CORO7: variants seen among roughly 807,000 people sequenced by gnomAD.
CORO7 encodes the protein coronin-7.
In CORO7, 107 loss-of-function variants were observed where a neutral mutation model predicts 126.6. The observed-to-expected ratio is 0.85, with a 90% CI of 0.72 to 0.99. The LOEUF (loss-of-function observed/expected upper bound fraction) is 0.99. Ranked by LOEUF, CORO7 falls within the 50% of genes least tolerant of loss-of-function variation. The pLI is 0.00. For synonymous variants in CORO7, 603 were observed against 536.8 expected, an observed-to-expected ratio of 1.12 and a Z score of -1.70; for missense variants, 1,314 against 1,255.8, an observed-to-expected ratio of 1.05 and a Z score of -0.70.
At chr16:4,388,412 A>C (rs1412842585) in intron 8 of CORO7, 133 bp downstream of exon 8, 6 of 1,008,054 alleles carry the variant, frequency 6.0e-6, no homozygotes, top group Non-Finnish European at 8.7e-6. Context: ...ACCCGGCAGC[A>C]CAGCCAGGCC....
rs776568152 is a variant in CORO7, at chr16:4,405,527, C to T, written c.528G>A (p.Trp176Ter). 6.2e-7 allele frequency: 1 copy of T among 1,613,000 alleles called. No individual in the cohort carries two copies. The highest frequency in any genetic ancestry group is 8.5e-7 in the Non-Finnish European group (1 of 1,179,916). The change falls in exon 6 of 28, where the codon TGG (tryptophan) becomes TGA (stop). Residue 176 changes from tryptophan (W) to a stop codon, truncating the protein, a stop_gained. Transcript: ENST00000251166. LOFTEE classifies it high-confidence loss of function. ...AHGDLVQSAV[W>*]SRDGALVGTA... is the part of the protein sequence containing the mutation. ...TGCCCACCAGGGCTCCATCTCGGCT[C>T]CAGACGGCGCTCTGCACCAGGTCCC... is the stretch of plus-strand genomic sequence containing the variant.
At position 4,415,663 on chromosome 16, in the gene CORO7, A is replaced by G. The variant is rs1484293036; in HGVS notation, c.60+796T>C. ...CTTGCTCTGGGACCCTGATGGGGTC[A>G]CTTGAGGTCAACTCCTAGGCCCAGT... is the stretch of plus-strand genomic sequence containing the variant. On this transcript the variant is annotated intron_variant, in intron 1 of 27. Transcript: ENST00000251166. 5 of 973,440 alleles carry G rather than the reference A, an allele frequency of 5.1e-6. No individual in the cohort carries two copies. The African/African-American group carries it at 8.8e-5, about 17-fold the overall frequency. 60.3% of individuals were successfully genotyped at this position (973,440 alleles called of 1,614,324 possible).
intron 5 of CORO7, among the ~76,000 whole-genome samples, chr16:4,406,803 C>A (rs1219752075): frequency 6.6e-6 from 1 of 151,892 alleles, no homozygotes; most frequent in Non-Finnish European, 1.5e-5. Context: ...CCACACCCAG[C>A]TAAGTTTTTG....
intron 6 of CORO7, among the ~76,000 whole-genome samples, chr16:4,400,111 C>T (rs536014403): frequency 5.3e-5 from 8 of 152,062 alleles, no homozygotes; most frequent in Admixed American, 4.6e-4. Context: ...GAAACTACTC[C>T]GTATAGTGGT....
chr16:4,369,022 G>A (rs951815930), intron 9 of CORO7, among the ~76,000 whole-genome samples: 12 of 152,224 alleles, frequency 7.9e-5, no homozygotes, highest in Non-Finnish European at 7.3e-5. Flanking sequence ...TCACCTGTGC[G>A]CTGAGCCAAC....
At chr16:4,379,880 T>TAAAAA (rs34020450) in intron 9 of CORO7, among the ~76,000 whole-genome samples, 2 of 109,182 alleles carry the variant, frequency 1.8e-5, no homozygotes, top group African/African-American at 3.7e-5. Context: ...CTGTCTCTAC[T>TAAAAA]AAAAAAAAAA....
intron 6 of CORO7, among the ~76,000 whole-genome samples, chr16:4,399,102 G>A (rs769995835): frequency 6.6e-6 from 1 of 152,002 alleles, no homozygotes; most frequent in African/African-American, 2.4e-5. Flanking sequence ...ATTAAAAATA[G>A]ACCTAGCATG....
chr16:4,357,716 A>G (rs748690759), intron 25 of CORO7: 217 of 558,668 alleles, frequency 3.9e-4, no homozygotes, highest in Non-Finnish European at 4.0e-4. Flanking sequence ...ATGGAGCCTC[A>G]CTGTATAAGC....
At chr16:4,412,268 G>A in intron 3 of CORO7, 88 bp downstream of exon 3, 2 of 1,437,216 alleles carry the variant, frequency 1.4e-6, no homozygotes, top group Non-Finnish European at 1.9e-6. Flanking sequence ...AAGCCATGCG[G>A]CAGTGGGACC....
rs1596276946 is a variant in CORO7 at position 4,362,847 on chromosome 16, G to A, written c.1276-109C>T. 3 of 1,232,300 alleles carry A rather than the reference G, an allele frequency of 2.4e-6. No homozygotes were observed. The highest frequency in any genetic ancestry group is 3.1e-6 in the Non-Finnish European group (3 of 978,248). The allele number at this position is 1,232,300 out of a possible 1,614,324, so 76.3% of individuals were successfully genotyped here. A position where few individuals can be genotyped will look rare whatever the true frequency, so the allele number is the denominator to read the frequency against. ...ACTCTGGGCCCCCTGCGGACTGGAG[G>A]AGCCCCCACTGTGGGCATGCGACAG... On this transcript the variant is annotated intron_variant, in intron 14 of 27. Transcript: ENST00000251166. The surrounding 1 kb of genome is among the most constrained non-coding windows in gnomAD (Gnocchi z 5.3).
intron 3 of CORO7, among the ~76,000 whole-genome samples, chr16:4,408,526 A>G (rs530205362): frequency 1.3e-5 from 2 of 152,334 alleles, no homozygotes; most frequent in South Asian, 2.1e-4. Flanking sequence ...AGGCACCTGC[A>G]GGAACGCAGC....
chr16:4,365,500 C>T lies in CORO7; in HGVS notation c.831G>A (p.Leu277=). 1.9e-6 allele frequency: 3 copies of T among 1,574,394 alleles called. No homozygotes were observed. The highest frequency in any genetic ancestry group is 2.4e-5 in the East Asian group (1 of 42,456). Residue 277 remains leucine (L), a synonymous_variant, in exon 10 of 28, where the codon CTG becomes CTA. Coordinates refer to ENST00000251166, the MANE Select transcript of CORO7 (RefSeq NM_024535.5). ...LLDPDSGLLV[L]AGKGERQLYC... ...CCAGCTTCTCACTCACCTTTCCTGC[C>T]AGGACCAGGAGCCCAGAGTCAGGGT...
Position 4,361,001 on chromosome 16 carries a change from C to T in CORO7, c.1859G>A (p.Arg620His), listed in dbSNP as rs138389071. 1.1e-4 allele frequency: 175 copies of T among 1,613,112 alleles called. No homozygotes were observed. Among genetic ancestry groups the T allele is most frequent in the Non-Finnish European group, 1.3e-4 (148 of 1,180,006 alleles). ...AGCTCCAGCCTGAAGGTCCCAGATG[C>T]GAACAGTGAGGTCATAGGAGGACGA... ...LASSSYDLTV[R>H]IWDLQAGADR... Residue 620 changes from arginine to histidine, a missense_variant, in exon 19 of 28, where the codon CGC (arginine) becomes CAC (histidine). Coordinates refer to ENST00000251166, the MANE Select transcript of CORO7 (RefSeq NM_024535.5).
At position 4,399,321 on chromosome 16, in the gene CORO7, G is replaced by A. The variant is rs114295421; in HGVS notation, c.565-3982C>T. 8.4e-3 allele frequency among the ~76,000 whole-genome samples: 1,286 copies of A among 152,298 alleles called. 21 individuals are homozygous for A. Among genetic ancestry groups the A allele is most frequent in the African/African-American group, 0.03 (1,234 of 41,558 alleles). ...CAAAGGCAAGGAAATCCTACTGCAC[G>A]CCACGAGTAACCCTTGACGATGCAG... On this transcript the variant is annotated intron_variant, in intron 6 of 27. Transcript: ENST00000251166.
At position 4,354,746 on chromosome 16, in the gene CORO7, G is replaced by C. The variant is rs1054530354; in HGVS notation, c.*412C>G. 1.9e-5 allele frequency: 4 copies of C among 212,388 alleles called. No individual in the cohort carries two copies. The Admixed American group carries it at 2.3e-4, about 12-fold the overall frequency. The allele number at this position is 212,388 out of a possible 1,614,324, so 13.2% of individuals were successfully genotyped here. ...GCCTGGTGGGGGGCCAGCCCCCAAG[G>C]CCCTTGACCAGAACTGGAACAGCAG... is the stretch of plus-strand genomic sequence containing the variant. On this transcript the variant is annotated 3_prime_UTR_variant, in exon 28 of 28. Coordinates refer to ENST00000251166, the MANE Select transcript of CORO7 (RefSeq NM_024535.5).
intron 4 of CORO7, 80 bp from the exon 5 acceptor site, chr16:4,407,764 C>T: frequency 6.8e-7 from 1 of 1,460,420 alleles, no homozygotes; most frequent in East Asian, 2.4e-5. Flanking sequence ...CCAGTGAGGT[C>T]CCGTGTTGGA....
At chr16:4,382,537 C>T (rs1192467299) in intron 9 of CORO7, 4 of 1,592,818 alleles carry the variant, frequency 2.5e-6, no homozygotes, top group Non-Finnish European at 3.4e-6. Flanking sequence ...CGGGGAGGCC[C>T]ATACACCCCC....
At position 4,416,439 on chromosome 16, in the gene CORO7, G is replaced by A. The variant is rs754665360; in HGVS notation, c.60+20C>T. The A allele has an allele frequency of 4.5e-6, 7 of 1,559,528 alleles. No homozygotes were observed. Among genetic ancestry groups the A allele is most frequent in the Admixed American group, 3.8e-5 (2 of 52,722 alleles). On this transcript the variant is annotated intron_variant, in intron 1 of 27. Coordinates refer to ENST00000251166, the MANE Select transcript of CORO7 (RefSeq NM_024535.5). The stretch of plus-strand genomic sequence containing the variant: ...GACGGGGCCCGAGGCGACAGCGCCC[G>A]GTCCTCGGGCCGGACTCACCTCGCG...
At chr16:4,363,912 G>A (rs372423260) in intron 14 of CORO7, among the ~76,000 whole-genome samples, 12 of 150,984 alleles carry the variant, frequency 7.9e-5, no homozygotes, top group African/African-American at 2.7e-4. Flanking sequence ...TCACCTACTC[G>A]GGAGGCTGAG....
Sources: gnomAD v4.1 joint callset for allele counts (sites outside exome capture counted in the v4.1 genomes callset) on GRCh38, gnomAD v4.1.1 for gene constraint, Gnocchi (gnomAD v3.1) non-coding constraint, MANE v1.5 for transcripts, NCBI Gene and HGNC (gene_info 2026-07-23, HGNC 2026-07-21) for gene names.